The following ADAM28 variants were observed in gnomAD, a reference collection of about 807,000 sequenced individuals.
The protein encoded by ADAM28 is ADAM metallopeptidase domain 28.
Under a neutral mutation model 101.2 loss-of-function variants are expected in ADAM28, and 105 were observed. The ratio of observed to expected loss-of-function variants is 1.04; its 90% CI spans 0.89 to 1.22. The LOEUF is 1.22. ADAM28 is among the 50% of genes most tolerant of loss of function. The pLI, the probability that ADAM28 is intolerant of heterozygous loss-of-function variation, is 0.00. For missense variants in ADAM28, 1,028 were observed against 945.4 expected, an observed-to-expected ratio of 1.09 and a Z score of -1.15; for synonymous variants, 322 against 310.6, an observed-to-expected ratio of 1.04 and a Z score of -0.39.
intron 11 of ADAM28, among the ~76,000 whole-genome samples, chr8:24,330,934 CTGGA>C (rs1813279938): frequency 6.6e-6 from 1 of 151,986 alleles, no homozygotes; most frequent in Non-Finnish European, 1.5e-5. Flanking sequence ...TAAAAGTGGC[CTGGA>C]TGCTACACAT....
chr8:24,299,908 T>G, intron 1 of ADAM28, 66 bp from the exon 2 acceptor site: 1 of 1,178,048 alleles, frequency 8.5e-7, no homozygotes, highest in East Asian at 2.3e-5. Flanking sequence ...GCAGTAAGGA[T>G]GGCCTTTACT....
chr8:24,343,129 T>C lies in ADAM28; in HGVS notation c.1859T>C (p.Ile620Thr). 1.9e-6 allele frequency: 3 copies of C among 1,613,852 alleles called. No homozygotes were observed. The highest frequency in any genetic ancestry group is 2.5e-6 in the Non-Finnish European group (3 of 1,179,814). ...KVCINAECVD[I>T]EKAYKSTNCS... ...TGCATTAATGCAGAATGTGTGGATA[T>C]TGAGAAAGCCTACAAATCAACCAAT... Residue 620 changes from isoleucine (I) to threonine (T), a missense_variant, in exon 17 of 23, where the codon ATT becomes ACT. Physicochemically the swap from Ile to Thr is moderately conservative, Grantham distance 89. Coordinates refer to ENST00000265769, the MANE Select transcript of ADAM28 (RefSeq NM_014265.6).
intron 6 of ADAM28, among the ~76,000 whole-genome samples, chr8:24,319,921 A>G (rs1811647292): frequency 6.6e-6 from 1 of 151,992 alleles, no homozygotes; most frequent in Admixed American, 6.6e-5. Context: ...ATTTTGTGTC[A>G]GGATGGTGAA....
chr8:24,349,734 G>T, intron 18 of ADAM28, 130 bp from the exon 19 acceptor site: 6 of 619,528 alleles, frequency 9.7e-6, no homozygotes, highest in Admixed American at 4.9e-5. Flanking sequence ...TCATTTTACT[G>T]GCTATGGGAA....
In ADAM28 at chr8:24,356,648, T is replaced by TA. The variant is rs1816705059; in HGVS notation, c.*2245dup. 6.6e-6 allele frequency: 1 copy of TA among 152,204 alleles called. No homozygotes were observed. The highest frequency in any genetic ancestry group is 1.5e-5 in the Non-Finnish European group (1 of 68,028). The allele number at this position is 152,204 out of a possible 1,614,324, so 9.4% of individuals were successfully genotyped here. ...GATTTCACAATACTGTTTCCACACT[T>TA]ACTTATATCCGTAACTTTCTAACTT... On this transcript the variant is annotated 3_prime_UTR_variant, in exon 23 of 23. Transcript: ENST00000265769.
Position 24,331,166 on chromosome 8 carries a change from G to A in ADAM28, c.1120G>A (p.Asp374Asn). Residue 374 changes from aspartate to asparagine, a missense_variant, in exon 12 of 23, where the codon GAC becomes AAC. Coordinates refer to ENST00000265769, the MANE Select transcript of ADAM28 (RefSeq NM_014265.6). The stretch of plus-strand genomic sequence containing the variant: ...TCTTCACAGCTTCTATATACCCACA[G>A]ACTTCAGTTCCTGCAGCCGTCTCAG... ...DKALSFYIPT[D>N]FSSCSRLSYD... The A allele has an allele frequency of 6.2e-7, 1 of 1,611,850 alleles. No homozygotes were observed. Among genetic ancestry groups the A allele is most frequent in the African/African-American group, 1.3e-5 (1 of 74,926 alleles).
intron 15 of ADAM28, chr8:24,341,348 G>C (rs192076292): frequency 2.8e-6 from 1 of 360,130 alleles, no homozygotes; most frequent in Non-Finnish European, 4.9e-6. Flanking sequence ...TTCTTCTCAT[G>C]GGCCAGCACT....
chr8:24,338,398 G>A (rs1814357254), intron 14 of ADAM28, among the ~76,000 whole-genome samples: 1 of 152,098 alleles, frequency 6.6e-6, no homozygotes. Context: ...CAATAACTCT[G>A]AAGTCTCAGA....
At chr8:24,321,780 A>G (rs1394671005) in intron 8 of ADAM28, among the ~76,000 whole-genome samples, 1 of 152,040 alleles carries the variant, frequency 6.6e-6, no homozygotes, top group African/African-American at 2.4e-5. Context: ...TGAGAAAAGA[A>G]TAGCCATGGG....
intron 13 of ADAM28, 44 bp from the exon 14 acceptor site, chr8:24,335,402 C>A: frequency 1.3e-6 from 2 of 1,540,268 alleles, no homozygotes; most frequent in Admixed American, 2.0e-5. Flanking sequence ...TAGGGTAAAG[C>A]AGGTAGGGAG....
intron 7 of ADAM28, 49 bp downstream of exon 7, chr8:24,320,356 ATATT>A (rs1563289102): frequency 1.7e-6 from 2 of 1,195,934 alleles, no homozygotes; most frequent in Admixed American, 2.0e-5. Context: ...CCACCCACAT[ATATT>A]TATTTATTAT....
chr8:24,328,577 G>A lies in ADAM28; in HGVS notation c.973-1408G>A, dbSNP rs550855681. Among the ~76,000 whole-genome samples the A allele has an allele frequency of 6.2e-4, 94 of 152,016 alleles. 3 individuals carry two copies. The South Asian group carries it at 0.018, about 29-fold the overall frequency. ...AGTAGGTAGCTTAATGCTACTTTAC[G>A]GAAGTAAAAACCATTCTAGGAATTC... On this transcript the variant is annotated intron_variant, in intron 10 of 22. Coordinates refer to ENST00000265769, the MANE Select transcript of ADAM28 (RefSeq NM_014265.6).
chr8:24,321,524 CAT>C (rs1364527669), intron 8 of ADAM28: 3 of 499,350 alleles, frequency 6.0e-6, no homozygotes, highest in Non-Finnish European at 1.1e-5. Context: ...TATAAGAAGA[CAT>C]AAAAGCTACA....
intron 1 of ADAM28, among the ~76,000 whole-genome samples, chr8:24,295,542 A>G (rs1347163554): frequency 6.6e-6 from 1 of 152,164 alleles, no homozygotes; most frequent in East Asian, 1.9e-4. Context: ...CTGAAATACA[A>G]GAACTGCTTG....
intron 9 of ADAM28, 128 bp from the exon 10 acceptor site, chr8:24,326,426 A>G (rs1038746768): frequency 1.2e-6 from 1 of 837,238 alleles, no homozygotes; most frequent in African/African-American, 1.7e-5. Flanking sequence ...TCAAAAACTA[A>G]AGAAAAATAT....
Position 24,341,624 on chromosome 8 carries a change from G to C in ADAM28, c.1697G>C (p.Cys566Ser), listed in dbSNP as rs762199294. 1 of 1,613,620 alleles carries C rather than the reference G, an allele frequency of 6.2e-7. No homozygotes were observed. Among genetic ancestry groups the C allele is most frequent in the Non-Finnish European group, 8.5e-7 (1 of 1,179,712 alleles). ...ANDTMCGKLF[C>S]QGGSDNLPWK... is the part of the protein sequence containing the mutation. ...GATACCATGTGTGGGAAGTTGTTCT[G>C]TCAAGGTGGGTCGGATAATTTGCCC... The change falls in exon 16 of 23, where the codon TGT becomes TCT. Residue 566 changes from cysteine (C) to serine (S), a missense_variant. By Grantham distance (112) the Cys-to-Ser change is moderately radical. Transcript: ENST00000265769.
At chr8:24,340,252 G>T (rs1349865997) in intron 15 of ADAM28, among the ~76,000 whole-genome samples, 1 of 152,118 alleles carries the variant, frequency 6.6e-6, no homozygotes, top group African/African-American at 2.4e-5. Flanking sequence ...ACAAGAGGTT[G>T]CACAAGATCA....
rs758896444 is a variant in ADAM28, at chr8:24,335,435, T to G, written c.1372-11T>G. The G allele has an allele frequency of 1.3e-6, 2 of 1,589,996 alleles. No individual in the cohort carries two copies. Among genetic ancestry groups the G allele is most frequent in the South Asian group, 1.1e-5 (1 of 87,548 alleles). ...GAGAATAAAAAGCCTTCTATTTTTGTTTTTCTACAGTTTAAAAAGGCTGGG... is the reference window on the plus strand; with the variant it reads ...GAGAATAAAAAGCCTTCTATTTTTGGTTTTCTACAGTTTAAAAAGGCTGGG... On this transcript the variant is annotated splice_polypyrimidine_tract_variant and intron_variant, in intron 13 of 22. Transcript: ENST00000265769.
intron 10 of ADAM28, among the ~76,000 whole-genome samples, chr8:24,327,676 G>A (rs987957955): frequency 6.6e-6 from 1 of 151,880 alleles, no homozygotes. Flanking sequence ...AGGGTACTGG[G>A]ACCAAAACAG....
Sources: gnomAD v4.1 joint callset for allele counts (sites outside exome capture counted in the v4.1 genomes callset) on GRCh38, gnomAD v4.1.1 for gene constraint, MANE v1.5 for transcripts, NCBI Gene and HGNC (gene_info 2026-07-23, HGNC 2026-07-21) for gene names.